PKIB: variants seen among roughly 807,000 people sequenced by gnomAD.
PKIB encodes cAMP-dependent protein kinase inhibitor beta, also known as PKI-beta.
PKIB carries 2 observed loss-of-function variants against 4.5 expected under a neutral mutation model. That is an observed-to-expected ratio of 0.44 (90% CI 0.18 to 1.39). The LOEUF is 1.39. Among genes scored for constraint, PKIB ranks in the 40% most tolerant of loss-of-function variants. The pLI is 0.27. For synonymous variants in PKIB, 38 were observed against 36.0 expected (o/e 1.06, Z -0.20); for missense variants, 94 against 92.6 (o/e 1.02, Z -0.06).
intron 3 of PKIB, among the ~76,000 whole-genome samples, chr6:122,689,693 T>C (rs1778244383): frequency 6.6e-6 from 1 of 152,220 alleles, no homozygotes; most frequent in Non-Finnish European, 1.5e-5. Context: ...TTCTTGAGAA[T>C]GTGCAGTATG....
intron 2 of PKIB, among the ~76,000 whole-genome samples, chr6:122,491,080 T>C (rs943278583): frequency 5.3e-5 from 8 of 152,150 alleles, no homozygotes; most frequent in African/African-American, 1.9e-4. Context: ...TAAAAAGCTT[T>C]ACAGCGGGAA....
At chr6:122,653,391 T>C (rs1396493310) in intron 2 of PKIB, among the ~76,000 whole-genome samples, 1 of 152,054 alleles carries the variant, frequency 6.6e-6, no homozygotes, top group Non-Finnish European at 1.5e-5. Flanking sequence ...TGTGTTGGGC[T>C]GTTCTCCTCT....
chr6:122,569,604 T>C (rs1310260662), intron 2 of PKIB, among the ~76,000 whole-genome samples: 1 of 152,200 alleles, frequency 6.6e-6, no homozygotes, highest in Non-Finnish European at 1.5e-5. Context: ...TCGTCAGAAA[T>C]GGTGCTGGTA....
intron 3 of PKIB, among the ~76,000 whole-genome samples, chr6:122,592,024 T>A (rs561060350): frequency 6.6e-6 from 1 of 152,112 alleles, no homozygotes; most frequent in East Asian, 1.9e-4. Flanking sequence ...TTTCCCTTTT[T>A]TTTTTTTAAC....
chr6:122,482,917 A>G (rs1775666319), intron 2 of PKIB: 1 of 152,194 alleles, frequency 6.6e-6, no homozygotes, highest in African/African-American at 2.4e-5. Flanking sequence ...CCGCTGAAAT[A>G]GGAGCTTGCT....
intron 2 of PKIB, among the ~76,000 whole-genome samples, chr6:122,552,783 G>A (rs1015820358): frequency 2.7e-4 from 41 of 152,108 alleles, no homozygotes; most frequent in African/African-American, 9.9e-4. Context: ...GTCCACCAGT[G>A]CAGCATCAAG....
chr6:122,487,488 G>T (rs940364278), intron 2 of PKIB, among the ~76,000 whole-genome samples: 12 of 152,166 alleles, frequency 7.9e-5, no homozygotes, highest in Non-Finnish European at 2.9e-5. Context: ...AGGTGATGAG[G>T]TTGTTAGGGG....
intron 2 of PKIB, among the ~76,000 whole-genome samples, chr6:122,520,661 T>TTCCCCCCCC (rs1562237597): frequency 1.3e-4 from 7 of 55,546 alleles, no homozygotes; most frequent in Admixed American, 2.2e-4. Context: ...AAGTTTATGT[T>TTCCCCCCCC]CCCACCCCCC....
chr6:122,703,561 CAAAGT>C (rs1159924805), intron 3 of PKIB, among the ~76,000 whole-genome samples: 1 of 151,466 alleles, frequency 6.6e-6, no homozygotes, highest in African/African-American at 2.4e-5. Flanking sequence ...TGAAAAAGAG[CAAAGT>C]AGATTGCCTA....
intron 3 of PKIB, chr6:122,701,121 G>T (rs944019926): frequency 4.5e-6 from 1 of 223,738 alleles, no homozygotes; most frequent in East Asian, 1.0e-4. Context: ...TCATGAGAGT[G>T]CAAGCAATAG....
intron 2 of PKIB, among the ~76,000 whole-genome samples, chr6:122,652,993 T>C (rs1198245327): frequency 1.3e-5 from 2 of 152,032 alleles, no homozygotes; most frequent in Non-Finnish European, 2.9e-5. Flanking sequence ...CAGAGTGGGG[T>C]CATCCTGATC....
chr6:122,639,603 G>A (rs889368951), intron 2 of PKIB, among the ~76,000 whole-genome samples: 3 of 152,066 alleles, frequency 2.0e-5, no homozygotes, highest in South Asian at 4.1e-4. Flanking sequence ...AGACCCAAAA[G>A]GTGTTATATC....
intron 2 of PKIB, among the ~76,000 whole-genome samples, chr6:122,674,444 G>T (rs973029890): frequency 1.3e-5 from 2 of 152,094 alleles, no homozygotes; most frequent in Admixed American, 1.3e-4. Context: ...CATACCGACG[G>T]TTCATACTCC....
chr6:122,670,066 C>T (rs1562294049), intron 2 of PKIB, among the ~76,000 whole-genome samples: 1 of 151,402 alleles, frequency 6.6e-6, no homozygotes, highest in Non-Finnish European at 1.5e-5. Context: ...TTGTGTTTGT[C>T]CACCTCATGA....
intron 2 of PKIB, among the ~76,000 whole-genome samples, chr6:122,653,507 G>A (rs1776647353): frequency 6.7e-6 from 1 of 148,258 alleles, no homozygotes; most frequent in African/African-American, 2.5e-5. Context: ...AACCTCTAGA[G>A]CAGGTTTTCT....
intron 2 of PKIB, among the ~76,000 whole-genome samples, chr6:122,671,263 G>A (rs951781903): frequency 1.3e-5 from 2 of 150,510 alleles, no homozygotes; most frequent in Non-Finnish European, 2.9e-5. Context: ...CTGCACTCCA[G>A]CCTGGTGACA....
chr6:122,521,382 A>G (rs899008973), intron 2 of PKIB, among the ~76,000 whole-genome samples: 1 of 152,116 alleles, frequency 6.6e-6, no homozygotes, highest in Non-Finnish European at 1.5e-5. Context: ...TGTGTAGAAT[A>G]AGAAGATGAC....
chr6:122,567,483 C>G (rs1419192879), intron 2 of PKIB, among the ~76,000 whole-genome samples: 2 of 152,176 alleles, frequency 1.3e-5, no homozygotes, highest in Non-Finnish European at 2.9e-5. Context: ...ATACTTGAAG[C>G]TTCATCTCAG....
chr6:122,569,719 G>A (rs994703482), intron 2 of PKIB, among the ~76,000 whole-genome samples: 2 of 152,188 alleles, frequency 1.3e-5, no homozygotes, highest in Non-Finnish European at 1.5e-5. Flanking sequence ...GCTATACCCA[G>A]AAGAGCAATA....
Sources: allele counts gnomAD v4.1 joint callset (sites outside exome capture counted in the v4.1 genomes callset), GRCh38; gene constraint gnomAD v4.1.1; transcripts MANE v1.5; gene names NCBI Gene and HGNC (gene_info 2026-07-23, HGNC 2026-07-21).